RBFOX1: variants seen among roughly 807,000 people sequenced by gnomAD.
RBFOX1 encodes the protein RNA binding fox-1 homolog 1, also known as RNA binding protein fox-1 homolog 1.
In RBFOX1, 8 loss-of-function variants were observed where a neutral mutation model predicts 57.7. The ratio of observed to expected loss-of-function variants is 0.14; its 90% CI spans 0.08 to 0.25. The LOEUF is 0.25. Among genes scored for constraint, RBFOX1 ranks in the 10% least tolerant of loss-of-function variants. The probability of loss-of-function intolerance (pLI) is 1.00; values close to 1 mark genes in which losing one functional copy is unlikely to be tolerated. For missense variants in RBFOX1, 611 were observed against 548.5 expected (o/e 1.11, Z -1.14); for synonymous variants, 326 against 222.4 (o/e 1.47, Z -4.15).
intron 4 of RBFOX1, among the ~76,000 whole-genome samples, chr16:6,002,981 C>G (rs1402573083): frequency 6.6e-6 from 1 of 152,030 alleles, no homozygotes; most frequent in Non-Finnish European, 1.5e-5. Flanking sequence ...TTGGGGGACA[C>G]AAGAAATGGG....
At chr16:5,425,710 G>C in intron 1 of RBFOX1, among the ~76,000 whole-genome samples, 1 of 152,124 alleles carries the variant, frequency 6.6e-6, no homozygotes, top group Non-Finnish European at 1.5e-5. Flanking sequence ...AGTGGCAAGA[G>C]GTCTTTCATG....
chr16:6,771,120 A>C (rs550719647), intron 3 of RBFOX1, among the ~76,000 whole-genome samples: 2 of 152,088 alleles, frequency 1.3e-5, no homozygotes, highest in Non-Finnish European at 2.9e-5. Flanking sequence ...GAACCCAGAC[A>C]CACAGAGAGA....
intron 4 of RBFOX1, among the ~76,000 whole-genome samples, chr16:6,011,165 C>G (rs909385246): frequency 1.3e-5 from 2 of 152,162 alleles, no homozygotes; most frequent in Non-Finnish European, 2.9e-5. Context: ...AACATTTTCG[C>G]CCCTGAGGTG....
chr16:5,731,640 A>ATTT (rs2052377776), intron 3 of RBFOX1, among the ~76,000 whole-genome samples: 1 of 152,100 alleles, frequency 6.6e-6, no homozygotes, highest in Admixed American at 6.5e-5. Flanking sequence ...GCAAGGTGAT[A>ATTT]TTTTTTCAAG....
intron 3 of RBFOX1, among the ~76,000 whole-genome samples, chr16:6,913,961 A>G (rs1490691645): frequency 6.6e-6 from 1 of 152,186 alleles, no homozygotes; most frequent in Non-Finnish European, 1.5e-5. Context: ...TGGATGATTT[A>G]TACTCCCCAC....
intron 4 of RBFOX1, among the ~76,000 whole-genome samples, chr16:7,188,072 C>G (rs1006211307): frequency 6.6e-6 from 1 of 152,136 alleles, no homozygotes; most frequent in Non-Finnish European, 1.5e-5. Context: ...CTGTTTCTCA[C>G]ATTTTTTGCA....
chr16:6,737,545 A>C (rs546953697), intron 3 of RBFOX1, among the ~76,000 whole-genome samples: 1 of 152,214 alleles, frequency 6.6e-6, no homozygotes, highest in Non-Finnish European at 1.5e-5. Context: ...ATTGCTGCTC[A>C]ACATCAGTTT....
At chr16:7,544,094 C>T (rs2083749181) in intron 5 of RBFOX1, among the ~76,000 whole-genome samples, 1 of 152,180 alleles carries the variant, frequency 6.6e-6, no homozygotes, top group African/African-American at 2.4e-5. Context: ...AATCCTCATT[C>T]TATGGAGAGG....
intron 4 of RBFOX1, among the ~76,000 whole-genome samples, chr16:6,004,957 G>C (rs573640829): frequency 5.8e-4 from 89 of 152,206 alleles, no homozygotes; most frequent in African/African-American, 2.1e-3. Flanking sequence ...ACCAAAATCG[G>C]ATGAGGGAAA....
intron 2 of RBFOX1, among the ~76,000 whole-genome samples, chr16:6,567,230 C>A (rs770537048): frequency 6.6e-6 from 1 of 152,148 alleles, no homozygotes; most frequent in East Asian, 1.9e-4. Flanking sequence ...TAGCAGCTTC[C>A]TAATCTCCAA....
chr16:7,537,274 A>G (rs959115592), intron 5 of RBFOX1, among the ~76,000 whole-genome samples: 5 of 152,172 alleles, frequency 3.3e-5, no homozygotes, highest in African/African-American at 1.2e-4. Flanking sequence ...CAAATGACCA[A>G]ATAATCTGCC....
intron 4 of RBFOX1, among the ~76,000 whole-genome samples, chr16:7,339,457 T>G: frequency 6.6e-6 from 1 of 152,150 alleles, no homozygotes; most frequent in Non-Finnish European, 1.5e-5. Context: ...TATTATTATT[T>G]TGTGACGGAA....
rs562179027 is a variant in RBFOX1 at position 5,486,049 on chromosome 16, T to C, written c.258+18795T>C. ...CCTCTCTCCCTGCTTCCCAATAATT[T>C]ATTCTAATTTTGACAATTCTTTTCT... On this transcript the variant is annotated intron_variant, in intron 2 of 2. Transcript: ENST00000585867. Among the ~76,000 whole-genome samples the C allele has an allele frequency of 9.8e-5, 15 of 152,336 alleles. No individual in the cohort carries two copies. The South Asian group carries it at 3.1e-3, about 32-fold the overall frequency.
intron 3 of RBFOX1, among the ~76,000 whole-genome samples, chr16:6,825,142 C>T (rs562337563): frequency 1.3e-5 from 2 of 150,876 alleles, no homozygotes; most frequent in Non-Finnish European, 3.0e-5. Flanking sequence ...GATTAACAAC[C>T]TCACTCAGCA....
chr16:7,359,761 G>C (rs2097285024), intron 4 of RBFOX1, among the ~76,000 whole-genome samples: 1 of 152,108 alleles, frequency 6.6e-6, no homozygotes, highest in African/African-American at 2.4e-5. Flanking sequence ...GAGGTGGGTG[G>C]ATCACAAGTT....
At chr16:5,415,189 C>T (rs2067129861) in intron 1 of RBFOX1, among the ~76,000 whole-genome samples, 1 of 152,138 alleles carries the variant, frequency 6.6e-6, no homozygotes, top group South Asian at 2.1e-4. Context: ...AATTAACTTG[C>T]AGTTCTATGT....
At chr16:6,436,511 CTTTTTTTTT>C (rs61508952) in intron 2 of RBFOX1, among the ~76,000 whole-genome samples, 2 of 103,420 alleles carry the variant, frequency 1.9e-5, no homozygotes, top group Non-Finnish European at 4.1e-5. Context: ...TTTTTCTTCA[CTTTTTTTTT>C]TTTTTTTTTT....
rs189580244 is a variant in RBFOX1, at chr16:5,339,031, A to G, written c.219+98926A>G. ...CTTTTTTTTTTGTGGCAAGAACACA[A>G]AATCTCTCAATAATTTTCAGGTGCA... is the stretch of plus-strand genomic sequence containing the variant. On this transcript the variant is annotated intron_variant, in intron 1 of 2. Coordinates refer to the RBFOX1 transcript ENST00000585867. 7.0e-4 allele frequency among the ~76,000 whole-genome samples: 106 copies of G among 152,212 alleles called. 1 individual carries two copies. Among genetic ancestry groups the G allele is most frequent in the Non-Finnish European group, 1.3e-3 (85 of 67,994 alleles).
chr16:7,693,366 A>G, intron 14 of RBFOX1: 1 of 1,608,596 alleles, frequency 6.2e-7, no homozygotes, highest in Non-Finnish European at 8.5e-7. Flanking sequence ...ACACCTCTGC[A>G]GGTAACAAAC....
Sources: gnomAD v4.1 joint callset for allele counts (sites outside exome capture counted in the v4.1 genomes callset) on GRCh38, gnomAD v4.1.1 for gene constraint, MANE v1.5 for transcripts, NCBI Gene and HGNC (gene_info 2026-07-23, HGNC 2026-07-21) for gene names.